The following MEGF11 variants were observed in gnomAD, a reference collection of about 807,000 sequenced individuals.
MEGF11 encodes the protein multiple EGF like domains 11.
In MEGF11, 126 loss-of-function variants were observed where a neutral mutation model predicts 146.6. That is an observed-to-expected ratio of 0.86 (90% CI 0.74 to 1.00). MEGF11 has a LOEUF of 1.00. Ranked by LOEUF, MEGF11 falls within the 50% of genes least tolerant of loss-of-function variation. MEGF11 has a pLI of 0.00. For missense variants in MEGF11, 1,509 were observed against 1,521.2 expected (o/e 0.99, Z 0.13); for synonymous variants, 532 against 583.4 (o/e 0.91, Z 1.27).
intron 4 of MEGF11, among the ~76,000 whole-genome samples, chr15:66,105,334 G>A (rs1401881161): frequency 1.3e-5 from 2 of 152,152 alleles, no homozygotes; most frequent in African/African-American, 4.8e-5. Context: ...GGCCCTGCCT[G>A]GCCTCCCTTC....
At chr15:66,030,365 G>C (rs1002115989) in intron 5 of MEGF11, among the ~76,000 whole-genome samples, 1 of 151,990 alleles carries the variant, frequency 6.6e-6, no homozygotes, top group Admixed American at 6.6e-5. Flanking sequence ...TTGTATACAG[G>C]CCTCAGACCA....
intron 6 of MEGF11, among the ~76,000 whole-genome samples, 190 bp from the exon 7 acceptor site, chr15:65,981,088 A>G (rs1434791078): frequency 6.6e-6 from 1 of 152,212 alleles, no homozygotes. Context: ...ATTGGAATGT[A>G]GGGTGCTTGG....
At chr15:66,048,541 C>G (rs944460359) in intron 5 of MEGF11, among the ~76,000 whole-genome samples, 1 of 152,238 alleles carries the variant, frequency 6.6e-6, no homozygotes, top group Admixed American at 6.5e-5. Flanking sequence ...TCCCTGCCCA[C>G]AAAACACCTC....
At chr15:66,128,493 A>AG (rs1284588309) in intron 1 of MEGF11, 82 bp from the exon 2 acceptor site, 59 of 739,814 alleles carry the variant, frequency 8.0e-5, no homozygotes, top group Middle Eastern at 2.5e-4. Flanking sequence ...GTCGTGGGTA[A>AG]TGAGCATTTG....
intron 1 of MEGF11, among the ~76,000 whole-genome samples, chr15:66,156,461 C>T (rs1300624751): frequency 2.6e-5 from 4 of 152,242 alleles, no homozygotes; most frequent in Middle Eastern, 3.4e-3. Flanking sequence ...TCACCTTGCA[C>T]GTCCCAGGCC....
At chr15:66,060,665 T>C (rs930330611) in intron 5 of MEGF11, among the ~76,000 whole-genome samples, 1 of 152,228 alleles carries the variant, frequency 6.6e-6, no homozygotes, top group Non-Finnish European at 1.5e-5. Context: ...CAGCCTTGGA[T>C]GTTGGTTAAC....
At chr15:65,898,528 G>A in intron 25 of MEGF11, 200 bp downstream of exon 25, 2 of 985,352 alleles carry the variant, frequency 2.0e-6, no homozygotes, top group Non-Finnish European at 2.4e-6. Context: ...GTTTTTTAAA[G>A]CAGAGTTGGT....
intron 10 of MEGF11, among the ~76,000 whole-genome samples, chr15:65,944,317 G>A (rs1380019547): frequency 1.3e-5 from 2 of 152,194 alleles, no homozygotes; most frequent in Non-Finnish European, 1.5e-5. Context: ...ACAGCAAGAA[G>A]GCTTTATAAG....
intron 8 of MEGF11, among the ~76,000 whole-genome samples, chr15:65,966,233 A>G (rs1355208627): frequency 6.6e-6 from 1 of 152,090 alleles, no homozygotes; most frequent in Non-Finnish European, 1.5e-5. Context: ...TGACCTCATG[A>G]TCCGCCTGCC....
At chr15:65,966,611 C>A (rs751041653) in intron 8 of MEGF11, among the ~76,000 whole-genome samples, 2 of 152,258 alleles carry the variant, frequency 1.3e-5, no homozygotes, top group Admixed American at 6.5e-5. Context: ...GCTATTTTCC[C>A]TTCCTTGGAA....
intron 5 of MEGF11, among the ~76,000 whole-genome samples, chr15:66,057,829 T>C (rs1231182908): frequency 6.6e-6 from 1 of 152,180 alleles, no homozygotes; most frequent in East Asian, 1.9e-4. Flanking sequence ...AGCTCTTAAG[T>C]AGAATTAATA....
intron 5 of MEGF11, among the ~76,000 whole-genome samples, chr15:66,092,669 T>C (rs2086366537): frequency 6.6e-6 from 1 of 152,150 alleles, no homozygotes; most frequent in Admixed American, 6.5e-5. Flanking sequence ...ACACAGACCA[T>C]GTCTAAAAAA....
intron 4 of MEGF11, among the ~76,000 whole-genome samples, chr15:66,118,017 AT>A (rs1018410227): frequency 4.6e-5 from 7 of 152,118 alleles, no homozygotes; most frequent in African/African-American, 1.7e-4. Flanking sequence ...CTCTGCCCAA[AT>A]TTTCCCTCTG....
At chr15:66,248,910 C>T (rs917131171) in intron 1 of MEGF11, among the ~76,000 whole-genome samples, 1 of 152,156 alleles carries the variant, frequency 6.6e-6, no homozygotes, top group Non-Finnish European at 1.5e-5. Context: ...ATTTTTGCTC[C>T]CTCTCAACTA....
chr15:66,039,289 C>A (rs1052979255), intron 5 of MEGF11, among the ~76,000 whole-genome samples: 1 of 152,170 alleles, frequency 6.6e-6, no homozygotes, highest in African/African-American at 2.4e-5. Context: ...GGTGACCCCA[C>A]CCACTCCCAG....
At chr15:66,070,254 CTG>C (rs2085310693) in intron 5 of MEGF11, among the ~76,000 whole-genome samples, 1 of 152,226 alleles carries the variant, frequency 6.6e-6, no homozygotes, top group Non-Finnish European at 1.5e-5. Context: ...GCTGAGAAAA[CTG>C]TGTCAGGCTC....
intron 5 of MEGF11, among the ~76,000 whole-genome samples, chr15:66,038,697 T>A (rs2083824089): frequency 6.6e-6 from 1 of 152,146 alleles, no homozygotes; most frequent in South Asian, 2.1e-4. Context: ...ACACCTATTA[T>A]GAAACAGATA....
intron 10 of MEGF11, among the ~76,000 whole-genome samples, chr15:65,955,759 A>AT (rs1467140185): frequency 8.0e-3 from 131 of 16,378 alleles, no homozygotes; most frequent in Admixed American, 0.018. Flanking sequence ...AAAAAAAAAA[A>AT]AAATATATAT....
chr15:66,093,934 T>G (rs1026014190), intron 5 of MEGF11, among the ~76,000 whole-genome samples: 3 of 152,110 alleles, frequency 2.0e-5, no homozygotes, highest in Non-Finnish European at 4.4e-5. Context: ...TGTTCTAATT[T>G]TGGGGACACA....
Sources: gnomAD v4.1 joint callset for allele counts (sites outside exome capture counted in the v4.1 genomes callset) on GRCh38, gnomAD v4.1.1 for gene constraint, MANE v1.5 for transcripts, NCBI Gene and HGNC (gene_info 2026-07-23, HGNC 2026-07-21) for gene names.